DOP1B: variants seen among roughly 807,000 people sequenced by gnomAD.
DOP1B encodes DOP1 leucine zipper like protein B.
Under a neutral mutation model 233.5 loss-of-function variants are expected in DOP1B, and 174 were observed. The observed-to-expected ratio is 0.75, with a 90% CI of 0.66 to 0.85. The LOEUF is 0.85. DOP1B is among the 40% of genes least tolerant of loss of function. The pLI, the probability that DOP1B is intolerant of heterozygous loss-of-function variation, is 0.00. For synonymous variants in DOP1B, 1,190 were observed against 1,185.6 expected (o/e 1.00, Z -0.08); for missense variants, 2,652 against 2,846.6 (o/e 0.93, Z 1.56).
intron 2 of DOP1B, among the ~76,000 whole-genome samples, chr21:36,197,223 C>T (rs1395374149): frequency 2.0e-5 from 3 of 152,130 alleles, no homozygotes; most frequent in East Asian, 3.9e-4. Flanking sequence ...TGAGCCACTG[C>T]ACCTGGCCAT....
At chr21:36,205,902 C>T (rs1156883468) in intron 4 of DOP1B, among the ~76,000 whole-genome samples, 6 of 151,898 alleles carry the variant, frequency 4.0e-5, no homozygotes, top group Admixed American at 2.0e-4. Context: ...CCCAGATACT[C>T]AGGAGGCTGA....
rs557071661 is a variant in DOP1B at position 36,237,251 on chromosome 21, C to T, written c.2623-11C>T. The T allele has an allele frequency of 1.3e-5, 21 of 1,614,038 alleles. No homozygotes were observed. Among genetic ancestry groups the T allele is most frequent in the Non-Finnish European group, 1.6e-5 (19 of 1,180,044 alleles). On this transcript the variant is annotated splice_polypyrimidine_tract_variant and intron_variant, in intron 15 of 36. Transcript: ENST00000691173. ...CCTGGTCCCCCACCGCCTGCCTTTT[C>T]CTTGTCCCAGAGGGTGGCTCGTGTG...
rs1005721597 is a variant in DOP1B, at chr21:36,169,623, C to A, written c.138+4752C>A. 1.7e-5 allele frequency: 16 copies of A among 933,140 alleles called. No homozygotes were observed. In the South Asian group the frequency reaches 2.1e-4, roughly 12 times the overall value. 57.8% of individuals were successfully genotyped at this position (933,140 alleles called of 1,614,324 possible). A position where few individuals can be genotyped will look rare whatever the true frequency, so the allele number is the denominator to read the frequency against. Reference sequence around the variant, plus strand: ...TCCAGCTTCTCAGCCATGGTGCCTCCGTTCACTTGGATCTCCATCAGCTGG... The same window carrying A: ...TCCAGCTTCTCAGCCATGGTGCCTCAGTTCACTTGGATCTCCATCAGCTGG... On this transcript the variant is annotated intron_variant, in intron 2 of 36. Coordinates refer to ENST00000691173, the MANE Select transcript of DOP1B (RefSeq NM_001320714.2).
intron 5 of DOP1B, among the ~76,000 whole-genome samples, chr21:36,210,077 C>T (rs1204704982): frequency 6.6e-6 from 1 of 152,118 alleles, no homozygotes; most frequent in Non-Finnish European, 1.5e-5. Context: ...TCTTTCTCTC[C>T]ATCGTCTCAG....
At chr21:36,208,538 C>G (rs575705998) in intron 4 of DOP1B, among the ~76,000 whole-genome samples, 177 bp from the exon 5 acceptor site, 6 of 152,330 alleles carry the variant, frequency 3.9e-5, no homozygotes, top group Admixed American at 3.9e-4. Context: ...TGACAGCCAG[C>G]AGGTGGACAC....
At chr21:36,167,910 T>A (rs938403864) in intron 2 of DOP1B, among the ~76,000 whole-genome samples, 4 of 150,562 alleles carry the variant, frequency 2.7e-5, no homozygotes, top group Non-Finnish European at 5.9e-5. Context: ...TATGGGTAAG[T>A]CACATTTTCT....
At chr21:36,162,548 C>CTT (rs11442193) in intron 1 of DOP1B, among the ~76,000 whole-genome samples, 1 of 148,954 alleles carries the variant, frequency 6.7e-6, no homozygotes, top group African/African-American at 2.5e-5. Flanking sequence ...TCTTCACTTT[C>CTT]TTTTTTTTTT....
At chr21:36,190,640 T>A (rs1263666670) in intron 2 of DOP1B, among the ~76,000 whole-genome samples, 1 of 152,190 alleles carries the variant, frequency 6.6e-6, no homozygotes, top group Non-Finnish European at 1.5e-5. Context: ...TCAAGCGATC[T>A]ACCTGCCTCG....
Position 36,257,151 on chromosome 21 carries a change from C to T in DOP1B, c.5259+3242C>T, listed in dbSNP as rs1440289071. Among the ~76,000 whole-genome samples the T allele has an allele frequency of 2.0e-5, 3 of 152,254 alleles. No individual in the cohort carries two copies. The Middle Eastern group carries it at 0.01, about 518-fold the overall frequency. On this transcript the variant is annotated intron_variant, in intron 23 of 36. Coordinates refer to ENST00000691173, the MANE Select transcript of DOP1B (RefSeq NM_001320714.2). ...ATTATAAAGGCTACTACTGAGGATA[C>T]AAATGAAGGGATGCGTAGGGCAAGG...
intron 26 of DOP1B, among the ~76,000 whole-genome samples, 196 bp downstream of exon 26, chr21:36,264,010 G>A (rs556542443): frequency 6.6e-6 from 1 of 152,366 alleles, no homozygotes; most frequent in South Asian, 2.1e-4. Context: ...GTTTTCTGAT[G>A]AAGGTTCTTG....
chr21:36,186,786 G>T (rs1288472148), intron 2 of DOP1B, among the ~76,000 whole-genome samples: 1 of 152,172 alleles, frequency 6.6e-6, no homozygotes, highest in Non-Finnish European at 1.5e-5. Context: ...GCTGAATGGT[G>T]CTGACTTTGG....
intron 26 of DOP1B, among the ~76,000 whole-genome samples, chr21:36,265,270 C>T (rs957415435): frequency 8.5e-5 from 13 of 152,136 alleles, no homozygotes; most frequent in Non-Finnish European, 1.9e-4. Context: ...GTGGCGGATG[C>T]CTATAATCCC....
rs183645021 is a variant in DOP1B at position 36,184,986 on chromosome 21, T to C, written c.139-14084T>C. 3.2e-4 allele frequency among the ~76,000 whole-genome samples: 49 copies of C among 152,314 alleles called. No individual in the cohort carries two copies. The East Asian group carries it at 7.1e-3, about 22-fold the overall frequency. Reference sequence around the variant, plus strand: ...TTTGAAGAATATTGAGTTCTACCAGTAGAACTTTGGGGACTGAAACCTGTT... The same window carrying C: ...TTTGAAGAATATTGAGTTCTACCAGCAGAACTTTGGGGACTGAAACCTGTT... On this transcript the variant is annotated intron_variant, in intron 2 of 36. Transcript: ENST00000691173.
At chr21:36,159,679 G>A (rs997397074) in intron 1 of DOP1B, among the ~76,000 whole-genome samples, 5 of 152,200 alleles carry the variant, frequency 3.3e-5, no homozygotes, top group Non-Finnish European at 5.9e-5. Flanking sequence ...TTACCTGGCT[G>A]ATGCCCTTCT....
chr21:36,267,668 G>A (rs150174763), intron 26 of DOP1B, among the ~76,000 whole-genome samples: 118 of 111,336 alleles, frequency 1.1e-3, no homozygotes, highest in African/African-American at 3.9e-3. Context: ...CTCTGTTATT[G>A]GGGGAACTCA....
At chr21:36,276,735 G>A (rs1425038613) in intron 27 of DOP1B, among the ~76,000 whole-genome samples, 1 of 151,458 alleles carries the variant, frequency 6.6e-6, no homozygotes, top group Admixed American at 6.6e-5. Flanking sequence ...CAGTTACTCG[G>A]GAAGATGAGG....
At chr21:36,292,051 C>T (rs562914953) in intron 35 of DOP1B, 53 bp from the exon 36 acceptor site, 54 of 1,532,356 alleles carry the variant, frequency 3.5e-5, no homozygotes, top group African/African-American at 3.2e-4. Context: ...CTAATTTTAA[C>T]GACGTTGAAG....
At position 36,238,729 on chromosome 21, in the gene DOP1B, G is replaced by A. The variant is rs183875905; in HGVS notation, c.2876+28G>A. On this transcript the variant is annotated intron_variant, in intron 17 of 36. Transcript: ENST00000691173. ...GAGGCGGCCTTCGTTATGATCTACC[G>A]TTAACTCACGAGGAAACTCCACAGA... 9.9e-4 allele frequency: 1,585 copies of A among 1,608,068 alleles called. 17 individuals carry two copies. The African/African-American group carries it at 0.018, about 18-fold the overall frequency.
intron 3 of DOP1B, among the ~76,000 whole-genome samples, chr21:36,199,968 G>C (rs2066342293): frequency 6.6e-6 from 1 of 152,024 alleles, no homozygotes; most frequent in Admixed American, 6.6e-5. Context: ...GGGATGGCTG[G>C]GTCAAATGGT....
Sources: gnomAD v4.1 joint callset for allele counts (sites outside exome capture counted in the v4.1 genomes callset) on GRCh38, gnomAD v4.1.1 for gene constraint, MANE v1.5 for transcripts, NCBI Gene and HGNC (gene_info 2026-07-23, HGNC 2026-07-21) for gene names.